DSCAM: variants seen among roughly 807,000 people sequenced by gnomAD.
DSCAM encodes the protein cell adhesion molecule DSCAM.
Under a neutral mutation model 217.7 loss-of-function variants are expected in DSCAM, and 47 were observed. That is an observed-to-expected ratio of 0.22 (90% CI 0.17 to 0.28). DSCAM has a LOEUF of 0.28. Ranked by LOEUF, DSCAM falls within the 10% of genes least tolerant of loss-of-function variation. The probability of loss-of-function intolerance (pLI) is 1.00; values close to 1 mark genes in which losing one functional copy is unlikely to be tolerated. For synonymous variants in DSCAM, 1,056 were observed against 1,015.3 expected (o/e 1.04, Z -0.76); for missense variants, 2,080 against 2,618.3 (o/e 0.79, Z 4.49).
intron 3 of DSCAM, among the ~76,000 whole-genome samples, chr21:40,611,241 T>C (rs112307230): frequency 6.6e-6 from 1 of 151,808 alleles, no homozygotes; most frequent in Non-Finnish European, 1.5e-5. Context: ...GTAATTTTAG[T>C]AGAGACTGGG....
At chr21:40,156,998 C>A (rs1260975379) in intron 16 of DSCAM, among the ~76,000 whole-genome samples, 1 of 152,118 alleles carries the variant, frequency 6.6e-6, no homozygotes, top group Non-Finnish European at 1.5e-5. Flanking sequence ...TAAGGGTTGA[C>A]AAACTGGTCC....
chr21:40,393,454 A>G (rs530504339), intron 3 of DSCAM, among the ~76,000 whole-genome samples: 3 of 152,210 alleles, frequency 2.0e-5, no homozygotes, highest in Admixed American at 1.3e-4. Context: ...TACTAAATGT[A>G]TATGTTTTTA....
chr21:40,639,873 A>G (rs2089856368), intron 3 of DSCAM, among the ~76,000 whole-genome samples: 1 of 152,142 alleles, frequency 6.6e-6, no homozygotes, highest in South Asian at 2.1e-4. Flanking sequence ...ATATCTGAGA[A>G]GTTATTTTTG....
chr21:40,260,554 C>G (rs1002277849), intron 11 of DSCAM, among the ~76,000 whole-genome samples: 1 of 152,170 alleles, frequency 6.6e-6, no homozygotes, highest in Non-Finnish European at 1.5e-5. Context: ...TGCAGAGGGT[C>G]ACACCTGGGA....
intron 22 of DSCAM, 80 bp downstream of exon 22, chr21:40,087,090 A>G (rs1305417290): frequency 2.0e-6 from 2 of 1,022,136 alleles, no homozygotes; most frequent in Non-Finnish European, 3.0e-6. Context: ...CAAAATTAGG[A>G]GACCACTAGA....
At chr21:40,504,292 A>C (rs2076193542) in intron 3 of DSCAM, among the ~76,000 whole-genome samples, 1 of 151,932 alleles carries the variant, frequency 6.6e-6, no homozygotes, top group South Asian at 2.1e-4. Flanking sequence ...ATGTTGGCCG[A>C]CTCCTCAGCC....
chr21:40,472,681 G>A (rs558279709), intron 3 of DSCAM, among the ~76,000 whole-genome samples: 1 of 152,160 alleles, frequency 6.6e-6, no homozygotes, highest in Non-Finnish European at 1.5e-5. Context: ...TTTCACTTGT[G>A]TGTCTGTTTT....
rs544625615 is a variant in DSCAM at position 40,208,101 on chromosome 21, A to G, written c.2357-18863T>C. On this transcript the variant is annotated intron_variant, in intron 11 of 32. Coordinates refer to ENST00000400454, the MANE Select transcript of DSCAM (RefSeq NM_001389.5). ...ACATTATCAATGGAATAAAAATGGA[A>G]TCCATGGAGTAATAGATTTAGTGTA... 3.6e-4 allele frequency among the ~76,000 whole-genome samples: 55 copies of G among 152,304 alleles called. No homozygotes were observed. In the South Asian group the frequency reaches 7.3e-3, roughly 20 times the overall value.
intron 3 of DSCAM, among the ~76,000 whole-genome samples, chr21:40,658,295 T>C (rs898760523): frequency 1.3e-5 from 2 of 152,346 alleles, no homozygotes; most frequent in African/African-American, 4.8e-5. Flanking sequence ...TACAAAATTA[T>C]CATTTAATTT....
chr21:40,188,313 A>G (rs2090917699), intron 12 of DSCAM, among the ~76,000 whole-genome samples: 1 of 152,240 alleles, frequency 6.6e-6, no homozygotes, highest in Non-Finnish European at 1.5e-5. Context: ...GGTCAGCTTG[A>G]CATATATCCC....
At chr21:40,678,539 A>G (rs1447630764) in intron 3 of DSCAM, among the ~76,000 whole-genome samples, 1 of 152,120 alleles carries the variant, frequency 6.6e-6, no homozygotes, top group African/African-American at 2.4e-5. Context: ...CGTGTGGGTG[A>G]TCTGATTGGC....
At chr21:40,201,516 G>A (rs1469568612) in intron 11 of DSCAM, among the ~76,000 whole-genome samples, 1 of 151,906 alleles carries the variant, frequency 6.6e-6, no homozygotes, top group Non-Finnish European at 1.5e-5. Context: ...ATCTCAGCTC[G>A]CTGCAACCTC....
At chr21:40,287,440 C>T (rs1001632069) in intron 10 of DSCAM, among the ~76,000 whole-genome samples, 9 of 152,100 alleles carry the variant, frequency 5.9e-5, no homozygotes, top group African/African-American at 2.2e-4. Context: ...CCAGGGATGT[C>T]CCCTGGACAT....
At chr21:40,017,689 T>C (rs922861098) in intron 32 of DSCAM, among the ~76,000 whole-genome samples, 39 of 152,148 alleles carry the variant, frequency 2.6e-4, no homozygotes, top group African/African-American at 5.1e-4. Flanking sequence ...GTAGCTGGGA[T>C]TACAGGCATG....
intron 9 of DSCAM, among the ~76,000 whole-genome samples, chr21:40,300,004 C>T (rs1411820949): frequency 1.3e-5 from 2 of 151,998 alleles, no homozygotes; most frequent in Non-Finnish European, 2.9e-5. Context: ...ATCCTTTGAC[C>T]CCTCCCAGAA....
intron 1 of DSCAM, among the ~76,000 whole-genome samples, chr21:40,727,835 C>G: frequency 6.6e-6 from 1 of 152,196 alleles, no homozygotes; most frequent in East Asian, 1.9e-4. Flanking sequence ...TCCATCCTCA[C>G]TGTTTCTTCT....
intron 3 of DSCAM, among the ~76,000 whole-genome samples, chr21:40,416,373 G>A (rs994058697): frequency 6.6e-6 from 1 of 152,168 alleles, no homozygotes; most frequent in African/African-American, 2.4e-5. Context: ...GAAAAGCCTC[G>A]TAATTATTTG....
chr21:40,617,388 T>C (rs1036294210), intron 3 of DSCAM, among the ~76,000 whole-genome samples: 2 of 152,066 alleles, frequency 1.3e-5, no homozygotes, highest in Admixed American at 1.3e-4. Context: ...CCTCCCGAAG[T>C]GCTGGGATTA....
chr21:40,686,594 T>G (rs4818162), intron 3 of DSCAM, among the ~76,000 whole-genome samples: 139,299 of 152,230 alleles, frequency 0.92, 63,861 homozygotes, highest in East Asian at 1. Context: ...TTTTGGTAGT[T>G]CAAAAGTCAA....
Sources: gnomAD v4.1 joint callset for allele counts (sites outside exome capture counted in the v4.1 genomes callset) on GRCh38, gnomAD v4.1.1 for gene constraint, MANE v1.5 for transcripts, NCBI Gene and HGNC (gene_info 2026-07-23, HGNC 2026-07-21) for gene names.